Variants in NELL1 observed in about 807,000 individuals in gnomAD.
NELL1 encodes the protein protein kinase C-binding protein NELL1.
In NELL1, 76 loss-of-function variants were observed where a neutral mutation model predicts 107.4. The ratio of observed to expected loss-of-function variants is 0.71; its 90% CI spans 0.59 to 0.86. The LOEUF is 0.86. Ranked by LOEUF, NELL1 falls within the 40% of genes least tolerant of loss-of-function variation. NELL1 has a pLI of 0.00. For missense variants in NELL1, 1,024 were observed against 1,005.5 expected (o/e 1.02, Z -0.25); for synonymous variants, 353 against 341.2 (o/e 1.03, Z -0.38).
chr11:20,688,944 C>A (rs1033701647), intron 2 of NELL1, among the ~76,000 whole-genome samples: 2 of 151,942 alleles, frequency 1.3e-5, no homozygotes, highest in Non-Finnish European at 2.9e-5. Context: ...TATTTTGACT[C>A]TTTAGTAATA....
chr11:21,485,489 G>A (rs966554387), intron 15 of NELL1, among the ~76,000 whole-genome samples: 1 of 151,752 alleles, frequency 6.6e-6, no homozygotes, highest in Non-Finnish European at 1.5e-5. Context: ...GTTCAACACT[G>A]CTGTTGCCAC....
chr11:20,904,320 T>C (rs1274033924), intron 5 of NELL1, among the ~76,000 whole-genome samples: 1 of 152,120 alleles, frequency 6.6e-6, no homozygotes, highest in South Asian at 2.1e-4. Flanking sequence ...TAACTAATGT[T>C]TGAAGTGACA....
chr11:21,478,841 G>A (rs200106631), intron 15 of NELL1, among the ~76,000 whole-genome samples: 11 of 147,302 alleles, frequency 7.5e-5, no homozygotes, highest in East Asian at 2.0e-4. Context: ...AACCCTATAA[G>A]AAAAAAAAAA....
chr11:21,129,181 G>A (rs1292120896), intron 13 of NELL1, among the ~76,000 whole-genome samples: 5 of 151,812 alleles, frequency 3.3e-5, no homozygotes, highest in African/African-American at 1.2e-4. Flanking sequence ...TGTGTGTGTT[G>A]TTATTTATGG....
At chr11:20,763,631 T>G (rs1281237900) in intron 2 of NELL1, among the ~76,000 whole-genome samples, 1 of 152,232 alleles carries the variant, frequency 6.6e-6, no homozygotes, top group African/African-American at 2.4e-5. Flanking sequence ...GGAAAATGGC[T>G]GTATTTGTAC....
intron 14 of NELL1, among the ~76,000 whole-genome samples, chr11:21,278,265 T>G (rs1310379509): frequency 6.6e-6 from 1 of 152,180 alleles, no homozygotes; most frequent in Non-Finnish European, 1.5e-5. Context: ...TGTTTTTTTC[T>G]TAGCATAGTA....
chr11:21,234,064 A>G (rs886806532), intron 14 of NELL1, among the ~76,000 whole-genome samples: 2 of 152,198 alleles, frequency 1.3e-5, no homozygotes, highest in African/African-American at 4.8e-5. Context: ...CTCGCGTGAA[A>G]GAGGCTTGAA....
rs548880415 is a variant in NELL1 at position 21,063,271 on chromosome 11, A to G, written c.1301-50318A>G. On this transcript the variant is annotated intron_variant, in intron 12 of 19. Transcript: ENST00000357134. ...GCTTCTTCCCCTGGAATCAGGGCGC[A>G]TCAACCTCCTGGCACACTGAGGTGT... Among the ~76,000 whole-genome samples the G allele has an allele frequency of 1.9e-4, 29 of 152,276 alleles. No homozygotes were observed. The East Asian group carries it at 5.2e-3, about 27-fold the overall frequency.
intron 15 of NELL1, among the ~76,000 whole-genome samples, chr11:21,496,958 A>G (rs894268167): frequency 1.3e-5 from 2 of 151,986 alleles, no homozygotes; most frequent in East Asian, 1.9e-4. Context: ...ACATGAACTC[A>G]TCATTTTTTA....
chr11:20,672,851 A>AT (rs35403876), intron 1 of NELL1, among the ~76,000 whole-genome samples: 25,307 of 137,260 alleles, frequency 0.18, 2,569 homozygotes, highest in South Asian at 0.23. Context: ...AAAGGAGAGA[A>AT]TTTTTTTTTT....
intron 12 of NELL1, among the ~76,000 whole-genome samples, chr11:21,065,649 A>G (rs1853850087): frequency 1.3e-5 from 2 of 152,232 alleles, no homozygotes; most frequent in South Asian, 2.1e-4. Context: ...CTAGATGTCA[A>G]CTGTGGAGTA....
chr11:21,261,643 G>A (rs1848535027), intron 14 of NELL1, among the ~76,000 whole-genome samples: 1 of 151,798 alleles, frequency 6.6e-6, no homozygotes, highest in Non-Finnish European at 1.5e-5. Flanking sequence ...ATTAATGAAA[G>A]AGCCAGGATT....
intron 14 of NELL1, among the ~76,000 whole-genome samples, chr11:21,232,343 A>AG (rs909056950): frequency 1.3e-5 from 2 of 150,844 alleles, no homozygotes; most frequent in African/African-American, 4.9e-5. Context: ...AAAAAAAAAA[A>AG]AAATTGATTA....
intron 3 of NELL1, among the ~76,000 whole-genome samples, chr11:20,791,730 G>GTTTT (rs368213562): frequency 3.8e-5 from 3 of 79,494 alleles, no homozygotes; most frequent in Non-Finnish European, 5.8e-5. Flanking sequence ...CAGTCTGGAG[G>GTTTT]TTTTTTTTTT....
intron 13 of NELL1, among the ~76,000 whole-genome samples, chr11:21,202,739 C>A (rs1033022827): frequency 6.6e-6 from 1 of 152,160 alleles, no homozygotes; most frequent in African/African-American, 2.4e-5. Flanking sequence ...TTAGATCTTT[C>A]CTGCTTTACC....
chr11:21,364,989 G>A (rs1016721098), intron 14 of NELL1, among the ~76,000 whole-genome samples: 11 of 152,146 alleles, frequency 7.2e-5, no homozygotes, highest in Non-Finnish European at 1.5e-5. Flanking sequence ...GACCTGAAAT[G>A]TCTCTTTTCC....
chr11:21,460,581 C>G (rs1236137669), intron 15 of NELL1, among the ~76,000 whole-genome samples: 1 of 152,050 alleles, frequency 6.6e-6, no homozygotes. Context: ...GGGAACTACT[C>G]TTAAATAGTA....
chr11:21,442,641 G>A (rs1853313420), intron 15 of NELL1, among the ~76,000 whole-genome samples: 1 of 152,126 alleles, frequency 6.6e-6, no homozygotes, highest in South Asian at 2.1e-4. Context: ...CACTTCTTAT[G>A]TGCATGGAAC....
intron 1 of NELL1, among the ~76,000 whole-genome samples, chr11:20,674,912 A>G (rs1399756944): frequency 6.6e-6 from 1 of 152,194 alleles, no homozygotes; most frequent in Admixed American, 6.5e-5. Context: ...CAATATTGTC[A>G]TAATAATTTT....
Sources: gnomAD v4.1 joint callset for allele counts (sites outside exome capture counted in the v4.1 genomes callset) on GRCh38, gnomAD v4.1.1 for gene constraint, MANE v1.5 for transcripts, NCBI Gene and HGNC (gene_info 2026-07-23, HGNC 2026-07-21) for gene names.